The following RANBP17 variants were observed in gnomAD, a reference collection of about 807,000 sequenced individuals.
The protein encoded by RANBP17 is RAN binding protein 17.
In RANBP17, 158 loss-of-function variants were observed where a neutral mutation model predicts 141.2. The ratio of observed to expected loss-of-function variants is 1.12; its 90% confidence interval spans 0.98 to 1.28. The LOEUF is 1.28. RANBP17 is among the 50% of genes most tolerant of loss of function. The pLI is 0.00. For synonymous variants in RANBP17, 430 were observed against 450.0 expected (o/e 0.96, Z 0.56); for missense variants, 1,438 against 1,290.7 (o/e 1.11, Z -1.75).
chr5:171,016,759 ATT>A (rs991521679), intron 14 of RANBP17, among the ~76,000 whole-genome samples: 23 of 150,938 alleles, frequency 1.5e-4, no homozygotes, highest in African/African-American at 5.6e-4. Flanking sequence ...TTTCCCTGTG[ATT>A]TATAATATGC....
chr5:171,062,561 A>T (rs1783967374), intron 14 of RANBP17, among the ~76,000 whole-genome samples: 1 of 152,160 alleles, frequency 6.6e-6, no homozygotes, highest in African/African-American at 2.4e-5. Context: ...CTTTGAGGGT[A>T]ACCCAACCTT....
chr5:170,929,816 C>T (rs935464377), intron 12 of RANBP17, among the ~76,000 whole-genome samples: 1 of 152,042 alleles, frequency 6.6e-6, no homozygotes, highest in East Asian at 1.9e-4. Context: ...GGATAGAATT[C>T]GTCTGTGAAG....
At chr5:171,161,383 G>A (rs545059543) in intron 14 of RANBP17, 6 of 193,510 alleles carry the variant, frequency 3.1e-5, no homozygotes, top group Non-Finnish European at 6.5e-5. Flanking sequence ...CAGGTGGCAG[G>A]TCCCTAAACT....
chr5:171,018,741 C>T (rs1007076283), intron 14 of RANBP17, among the ~76,000 whole-genome samples: 3 of 152,068 alleles, frequency 2.0e-5, no homozygotes, highest in East Asian at 1.9e-4. Context: ...ATTTGAATAC[C>T]CTTTATTTCT....
chr5:170,884,722 C>G (rs1173190363), intron 3 of RANBP17, among the ~76,000 whole-genome samples: 2 of 152,046 alleles, frequency 1.3e-5, no homozygotes, highest in Non-Finnish European at 2.9e-5. Flanking sequence ...ACCAATCCTT[C>G]TGTGTTCACT....
At chr5:171,194,379 C>T (rs1274614454) in intron 18 of RANBP17, among the ~76,000 whole-genome samples, 2 of 152,142 alleles carry the variant, frequency 1.3e-5, no homozygotes, top group Non-Finnish European at 2.9e-5. Flanking sequence ...CTCCCCTCCC[C>T]CAAACCCTGG....
At chr5:171,170,036 C>G in intron 14 of RANBP17, 94 bp from the exon 15 acceptor site, 1 of 586,586 alleles carries the variant, frequency 1.7e-6, no homozygotes, top group Non-Finnish European at 2.9e-6. Context: ...GTGGATACCA[C>G]AGTGCATTAA....
At position 170,878,130 on chromosome 5, in the gene RANBP17, C is replaced by T; in HGVS notation, c.52C>T (p.Leu18Phe). Reference protein sequence around the residue: ...LAELEVLCTHLYIGTDLTQRI... With the variant: ...LAELEVLCTHFYIGTDLTQRI... ...TGAATTGGAAGTGTTATGTACTCAT[C>T]TCTACATAGGGACTGATCTTACACA... is the stretch of plus-strand genomic sequence containing the variant. Residue 18 changes from leucine to phenylalanine, a missense_variant, in exon 2 of 28, where the codon CTC (leucine) becomes TTC (phenylalanine). Coordinates refer to ENST00000523189, the MANE Select transcript of RANBP17 (RefSeq NM_022897.5). 4.4e-6 allele frequency: 7 copies of T among 1,608,600 alleles called. No individual in the cohort carries two copies. Among genetic ancestry groups the T allele is most frequent in the South Asian group, 1.1e-5 (1 of 89,780 alleles).
At chr5:170,985,000 GAC>G (rs770776131) in intron 14 of RANBP17, among the ~76,000 whole-genome samples, 29 of 150,652 alleles carry the variant, frequency 1.9e-4, no homozygotes, top group East Asian at 3.9e-4. Context: ...CATATACACA[GAC>G]ACACAGACAC....
chr5:170,976,332 T>A (rs769228641), intron 14 of RANBP17, among the ~76,000 whole-genome samples: 43 of 152,036 alleles, frequency 2.8e-4, no homozygotes, highest in Non-Finnish European at 5.4e-4. Flanking sequence ...TGAAACAAAT[T>A]AAAGGGGATG....
At chr5:171,294,380 C>T (rs1490242378) in intron 26 of RANBP17, among the ~76,000 whole-genome samples, 1 of 152,200 alleles carries the variant, frequency 6.6e-6, no homozygotes, top group Non-Finnish European at 1.5e-5. Context: ...GCCCATCAGG[C>T]ATTCCTCACA....
At position 171,294,041 on chromosome 5, in the gene RANBP17, G is replaced by A. The variant is rs999940421; in HGVS notation, c.3042+60G>A. 1.4e-5 allele frequency: 17 copies of A among 1,204,566 alleles called. No individual in the cohort carries two copies. In the East Asian group the frequency reaches 3.7e-4, roughly 26 times the overall value. The allele number at this position is 1,204,566 out of a possible 1,614,324, so 74.6% of individuals were successfully genotyped here. A position where few individuals can be genotyped will look rare whatever the true frequency, so the allele number is the denominator to read the frequency against. The stretch of plus-strand genomic sequence containing the variant: ...CCCTGGGAGAAGAGAGCAGCTATAA[G>A]CTAGGGTGAGCTGTGATGACGAAGG... On this transcript the variant is annotated intron_variant, in intron 26 of 27. Coordinates refer to ENST00000523189, the MANE Select transcript of RANBP17 (RefSeq NM_022897.5).
intron 18 of RANBP17, among the ~76,000 whole-genome samples, chr5:171,196,782 C>T (rs537519687): frequency 2.0e-5 from 3 of 152,258 alleles, no homozygotes; most frequent in South Asian, 2.1e-4. Flanking sequence ...AACCAGACAG[C>T]TAACAGTGGC....
chr5:171,185,786 G>A (rs1761196438), intron 18 of RANBP17, among the ~76,000 whole-genome samples: 1 of 152,210 alleles, frequency 6.6e-6, no homozygotes, highest in African/African-American at 2.4e-5. Context: ...TCCTGTTAAT[G>A]TTGATATTAT....
At chr5:171,057,381 C>A (rs549803536) in intron 14 of RANBP17, among the ~76,000 whole-genome samples, 1 of 151,962 alleles carries the variant, frequency 6.6e-6, no homozygotes, top group African/African-American at 2.4e-5. Flanking sequence ...ATATTTTATA[C>A]ATATTTATAT....
chr5:170,888,141 G>A (rs779518178), intron 3 of RANBP17, among the ~76,000 whole-genome samples: 24 of 152,058 alleles, frequency 1.6e-4, no homozygotes, highest in Admixed American at 1.3e-4. Context: ...GTTCTTCTTC[G>A]GTATTGTGTT....
At chr5:171,157,269 G>A (rs1758972706) in intron 14 of RANBP17, among the ~76,000 whole-genome samples, 1 of 152,110 alleles carries the variant, frequency 6.6e-6, no homozygotes, top group Admixed American at 6.5e-5. Context: ...AACAGAGGGT[G>A]ATGTTTAAAG....
At chr5:171,162,906 C>T (rs1301475143) in intron 14 of RANBP17, among the ~76,000 whole-genome samples, 2 of 152,154 alleles carry the variant, frequency 1.3e-5, no homozygotes, top group African/African-American at 2.4e-5. Flanking sequence ...TATACAATAG[C>T]TTATTCAAGC....
chr5:170,862,091 C>T, intron 1 of RANBP17, 40 bp downstream of exon 1: 2 of 1,438,762 alleles, frequency 1.4e-6, no homozygotes, highest in Non-Finnish European at 1.8e-6. Flanking sequence ...CTCCGCCACG[C>T]TGGGAACCCG....
Sources: allele counts gnomAD v4.1 joint callset (sites outside exome capture counted in the v4.1 genomes callset), GRCh38; gene constraint gnomAD v4.1.1; transcripts MANE v1.5; gene names NCBI Gene and HGNC (gene_info 2026-07-23, HGNC 2026-07-21).